Variants in SMAD2 observed in about 807,000 individuals in gnomAD.
The protein encoded by SMAD2 is MAD homolog 2.
In SMAD2, 8 loss-of-function variants were observed where a neutral mutation model predicts 64.4. The observed-to-expected ratio is 0.12, with a 90% confidence interval of 0.07 to 0.22. The LOEUF (loss-of-function observed/expected upper bound fraction) is 0.22. SMAD2 is among the 10% of genes least tolerant of loss of function. The pLI, the probability that SMAD2 is intolerant of heterozygous loss-of-function variation, is 1.00. For synonymous variants in SMAD2, 203 were observed against 195.8 expected (o/e 1.04, Z -0.31); for missense variants, 289 against 561.2 (o/e 0.51, Z 4.90).
chr18:47,865,204 G>A (rs1436771682), intron 5 of SMAD2, 71 bp from the exon 6 acceptor site: 43 of 801,154 alleles, frequency 5.4e-5, no homozygotes, highest in African/African-American at 6.8e-5. Context: ...AGCTACCAGA[G>A]ATAACCAATG....
chr18:47,882,997 C>CT (rs549310125), intron 2 of SMAD2, among the ~76,000 whole-genome samples: 90 of 152,282 alleles, frequency 5.9e-4, no homozygotes, highest in Non-Finnish European at 9.6e-4. Context: ...TGTGGGCTCT[C>CT]TGTCTTTTTC....
At chr18:47,856,696 C>T (rs2030716569) in intron 6 of SMAD2, among the ~76,000 whole-genome samples, 1 of 152,140 alleles carries the variant, frequency 6.6e-6, no homozygotes, top group Admixed American at 6.5e-5. Flanking sequence ...TGACATCCTA[C>T]TGAATTTCTC....
intron 2 of SMAD2, among the ~76,000 whole-genome samples, chr18:47,882,960 T>C (rs2032693762): frequency 6.6e-6 from 1 of 152,208 alleles, no homozygotes; most frequent in Non-Finnish European, 1.5e-5. Context: ...AATCCCTCTT[T>C]CAGTACCAAT....
In SMAD2 at chr18:47,841,966, C is replaced by T. The variant is rs2144277309; in HGVS notation, c.1281-16G>A. The T allele has an allele frequency of 6.2e-7, 1 of 1,613,952 alleles. No homozygotes were observed. On this transcript the variant is annotated splice_polypyrimidine_tract_variant and intron_variant, in intron 10 of 10. Coordinates refer to ENST00000262160, the MANE Select transcript of SMAD2 (RefSeq NM_005901.6). ...CGTCTGCCTTCTGTTTAAAAGAATA[C>T]AGGAAAATGATTATGAAATTCAAGT...
intron 2 of SMAD2, among the ~76,000 whole-genome samples, chr18:47,885,597 T>C (rs1045756024): frequency 2.6e-5 from 4 of 152,204 alleles, no homozygotes; most frequent in African/African-American, 9.6e-5. Context: ...GGTTGGTCTC[T>C]GTATATGTGG....
intron 1 of SMAD2, among the ~76,000 whole-genome samples, chr18:47,905,010 T>C (rs1297726673): frequency 6.6e-6 from 1 of 152,178 alleles, no homozygotes; most frequent in Non-Finnish European, 1.5e-5. Flanking sequence ...TTGGATATTG[T>C]AGACAGGACA....
rs556635485 is a variant in SMAD2, at chr18:47,825,966, T to C, written c.*15861A>G. On this transcript the variant is annotated 3_prime_UTR_variant, in exon 11 of 11. Coordinates refer to ENST00000262160, the MANE Select transcript of SMAD2 (RefSeq NM_005901.6). ...TTGGAAATGGCATTAATGTAAATGT[T>C]CACATTAAGAGAAAACGGTTTCCCT... 6.6e-6 allele frequency: 1 copy of C among 152,324 alleles called. No individual in the cohort carries two copies. The highest frequency in any genetic ancestry group is 2.4e-5 in the African/African-American group (1 of 41,582). The allele number at this position is 152,324 out of a possible 1,614,324, so 9.4% of individuals were successfully genotyped here.
Position 47,837,951 on chromosome 18 carries a change from A to G in SMAD2, c.*3876T>C. The G allele has an allele frequency of 4.3e-6, 1 of 232,694 alleles. No homozygotes were observed. The highest frequency in any genetic ancestry group is 6.1e-5 in the East Asian group (1 of 16,476). 14.4% of individuals were successfully genotyped at this position (232,694 alleles called of 1,614,324 possible). A position where few individuals can be genotyped will look rare whatever the true frequency, so the allele number is the denominator to read the frequency against. ...CCCAACATAAACCTACGCCACCCTC[A>G]GACGAAGAGGGTATCTAACACTGAA... is the stretch of plus-strand genomic sequence containing the variant. On this transcript the variant is annotated 3_prime_UTR_variant, in exon 11 of 11. Transcript: ENST00000262160.
At chr18:47,862,180 A>G (rs370978396) in intron 6 of SMAD2, among the ~76,000 whole-genome samples, 3 of 152,346 alleles carry the variant, frequency 2.0e-5, no homozygotes, top group East Asian at 3.9e-4. Context: ...ATTTTTGTAT[A>G]TATTTTTAAA....
At chr18:47,915,898 C>A (rs1046704552) in intron 1 of SMAD2, among the ~76,000 whole-genome samples, 9 of 152,178 alleles carry the variant, frequency 5.9e-5, no homozygotes, top group Non-Finnish European at 1.2e-4. Context: ...TGGAATTATA[C>A]CGTATGTACT....
At position 47,845,422 on chromosome 18, in the gene SMAD2, G is replaced by T. The variant is rs754313157; in HGVS notation, c.1198C>A (p.Gln400Lys). 6.2e-7 allele frequency: 1 copy of T among 1,613,518 alleles called. No individual in the cohort carries two copies. Among genetic ancestry groups the T allele is most frequent in the Admixed American group, 1.7e-5 (1 of 60,012 alleles). ...AGCTGATAGACGGCTTCAAAACCCTGATTAACAGACTGAGCCAGAAGAGCA... is the reference window on the plus strand; with the variant it reads ...AGCTGATAGACGGCTTCAAAACCCTTATTAACAGACTGAGCCAGAAGAGCA... ...FAALLAQSVNQGFEAVYQLTR... is the reference protein window; with the variant it reads ...FAALLAQSVNKGFEAVYQLTR... Residue 400 changes from glutamine (Q) to lysine (K), a missense_variant, in exon 10 of 11, where the codon CAG becomes AAG. Around this residue, in one of 6 missense-constraint regions of SMAD2, gnomAD observed 49 missense variants for 101.1 expected, o/e 0.48. Transcript: ENST00000262160.
At chr18:47,917,564 G>C (rs2034386022) in intron 1 of SMAD2, among the ~76,000 whole-genome samples, 1 of 151,998 alleles carries the variant, frequency 6.6e-6, no homozygotes, top group Non-Finnish European at 1.5e-5. Context: ...TTATACTGGA[G>C]TGATCAATTT....
chr18:47,927,362 A>G (rs1247905446), intron 1 of SMAD2, among the ~76,000 whole-genome samples: 2 of 152,220 alleles, frequency 1.3e-5, no homozygotes, highest in Non-Finnish European at 2.9e-5. Flanking sequence ...TACATGTTAC[A>G]GGAAGCAAGG....
intron 2 of SMAD2, among the ~76,000 whole-genome samples, chr18:47,879,510 G>GTGTGTGTGTT (rs956110812): frequency 2.0e-5 from 3 of 151,724 alleles, no homozygotes; most frequent in Admixed American, 2.0e-4. Flanking sequence ...GTGTGTGTGT[G>GTGTGTGTGTT]TGTGTGTGTG....
chr18:47,878,037 T>C (rs1038330601), intron 2 of SMAD2, among the ~76,000 whole-genome samples: 1 of 152,168 alleles, frequency 6.6e-6, no homozygotes, highest in African/African-American at 2.4e-5. Context: ...AATGAAATAG[T>C]AACCATTCAA....
chr18:47,885,593 T>C (rs1406630860), intron 2 of SMAD2, among the ~76,000 whole-genome samples: 1 of 152,320 alleles, frequency 6.6e-6, no homozygotes, highest in East Asian at 1.9e-4. Flanking sequence ...ACATGGTTGG[T>C]CTCTGTATAT....
At position 47,836,278 on chromosome 18, in the gene SMAD2, T is replaced by C; in HGVS notation, c.*5549A>G. The C allele has an allele frequency of 4.5e-6, 1 of 223,854 alleles. No individual in the cohort carries two copies. The highest frequency in any genetic ancestry group is 8.9e-6 in the Non-Finnish European group (1 of 112,194). The allele number at this position is 223,854 out of a possible 1,614,324, so 13.9% of individuals were successfully genotyped here. ...GAATTAAAGAGGGAGCAATCTAGTA[T>C]TATCAACAACAACAAAGTTAACCCT... On this transcript the variant is annotated 3_prime_UTR_variant, in exon 11 of 11. Coordinates refer to ENST00000262160, the MANE Select transcript of SMAD2 (RefSeq NM_005901.6).
Position 47,838,776 on chromosome 18 carries a change from T to TC in SMAD2, c.*3050dup, listed in dbSNP as rs1913667808. ...TAAGTCAGTGAGAACTCCAACAGCC[T>TC]CCCCTAAGCCAGCCCCCAAGGTGTC... On this transcript the variant is annotated 3_prime_UTR_variant, in exon 11 of 11. Coordinates refer to ENST00000262160, the MANE Select transcript of SMAD2 (RefSeq NM_005901.6). The TC allele has an allele frequency of 1.7e-5, 4 of 231,774 alleles. No individual in the cohort carries two copies. In the South Asian group the frequency reaches 7.4e-4, roughly 43 times the overall value. 14.4% of individuals were successfully genotyped at this position (231,774 alleles called of 1,614,324 possible).
intron 10 of SMAD2, 106 bp from the exon 11 acceptor site, chr18:47,842,056 T>C: frequency 7.8e-7 from 1 of 1,286,424 alleles, no homozygotes; most frequent in Non-Finnish European, 1.1e-6. Context: ...AATTAAAAGG[T>C]TGTGTATATA....
Sources: allele counts gnomAD v4.1 joint callset (sites outside exome capture counted in the v4.1 genomes callset), GRCh38; gene constraint gnomAD v4.1.1; regional missense constraint gnomAD v4.1.1; transcripts MANE v1.5; gene names NCBI Gene and HGNC (gene_info 2026-07-23, HGNC 2026-07-21).